Variants in CDH5 observed in about 807,000 individuals in gnomAD.
The protein encoded by CDH5 is cadherin 5.
CDH5 carries 28 observed loss-of-function variants against 62.0 expected under a neutral mutation model. The ratio of observed to expected loss-of-function variants is 0.45; its 90% CI spans 0.33 to 0.62. CDH5 has a LOEUF of 0.62. CDH5 is among the 20% of genes least tolerant of loss of function. The probability of loss-of-function intolerance (pLI) is 0.02; values close to 1 mark genes in which losing one functional copy is unlikely to be tolerated. For missense variants in CDH5, 940 were observed against 1,065.1 expected (o/e 0.88, Z 1.63); for synonymous variants, 464 against 445.8 (o/e 1.04, Z -0.52).
intron 10 of CDH5, among the ~76,000 whole-genome samples, 188 bp downstream of exon 10, chr16:66,398,749 C>T (rs1961233302): frequency 1.3e-5 from 2 of 152,164 alleles, no homozygotes; most frequent in Admixed American, 1.3e-4. Context: ...AGAACAAATG[C>T]AGTCAGTTGG....
intron 2 of CDH5, among the ~76,000 whole-genome samples, chr16:66,380,517 G>A (rs1203135151): frequency 1.3e-5 from 2 of 151,694 alleles, no homozygotes; most frequent in Admixed American, 6.6e-5. Flanking sequence ...TGATAAAGGG[G>A]TAGGTGGTGG....
chr16:66,374,190 G>C (rs1960743600), intron 1 of CDH5, among the ~76,000 whole-genome samples: 1 of 152,168 alleles, frequency 6.6e-6, no homozygotes. Flanking sequence ...TGTGCCTCGG[G>C]GGAGTGCTCA....
intron 2 of CDH5, 34 bp downstream of exon 2, chr16:66,379,581 C>A (rs773441175): frequency 4.4e-6 from 7 of 1,588,760 alleles, no homozygotes; most frequent in Non-Finnish European, 6.0e-6. Flanking sequence ...GAGAAGCCAT[C>A]AGCAGCTGGC....
intron 7 of CDH5, chr16:66,392,966 T>C (rs1252848187): frequency 6.5e-6 from 1 of 152,838 alleles, no homozygotes; most frequent in African/African-American, 2.4e-5. Flanking sequence ...GTTTGATTGT[T>C]TTAAAATTTT....
chr16:66,390,238 A>G (rs968574311), intron 5 of CDH5, among the ~76,000 whole-genome samples, 165 bp from the exon 6 acceptor site: 1 of 152,216 alleles, frequency 6.6e-6, no homozygotes, highest in African/African-American at 2.4e-5. Flanking sequence ...GGACATACAG[A>G]TAGGGAAGAC....
chr16:66,398,410 C>A (rs550766204), intron 9 of CDH5, 46 bp from the exon 10 acceptor site: 63 of 1,226,020 alleles, frequency 5.1e-5, no homozygotes, highest in Non-Finnish European at 7.4e-5. Flanking sequence ...GACCACCCCA[C>A]CACCCCACCA....
At chr16:66,399,125 G>C (rs546082978) in intron 10 of CDH5, among the ~76,000 whole-genome samples, 1 of 152,336 alleles carries the variant, frequency 6.6e-6, no homozygotes, top group East Asian at 1.9e-4. Context: ...AACTGGAAAT[G>C]TGAAATCCTA....
At chr16:66,401,896 G>A (rs987011503) in intron 11 of CDH5, among the ~76,000 whole-genome samples, 2 of 152,194 alleles carry the variant, frequency 1.3e-5, no homozygotes, top group Non-Finnish European at 2.9e-5. Context: ...GCAAGGCCTG[G>A]ATACAGCCAC....
At chr16:66,395,212 T>C (rs1251412205) in intron 7 of CDH5, among the ~76,000 whole-genome samples, 1 of 151,244 alleles carries the variant, frequency 6.6e-6, no homozygotes, top group African/African-American at 2.4e-5. Flanking sequence ...AACACCTAGA[T>C]GTATTCGTAT....
intron 1 of CDH5, among the ~76,000 whole-genome samples, chr16:66,376,802 C>T (rs183642861): frequency 3.3e-5 from 5 of 152,194 alleles, no homozygotes; most frequent in African/African-American, 9.7e-5. Context: ...CCAGCTGATA[C>T]GTTTCCTCAT....
In CDH5 at chr16:66,402,635, C is replaced by T. The variant is rs760687022; in HGVS notation, c.1838-17C>T. 1.3e-6 allele frequency: 2 copies of T among 1,551,572 alleles called. No homozygotes were observed. Among genetic ancestry groups the T allele is most frequent in the South Asian group, 1.3e-5 (1 of 79,820 alleles). ...CCCAGCCTTGTCTGACTCTGCTGCT[C>T]GGCTCCCTGGCTGCAGTGATCACCC... On this transcript the variant is annotated splice_polypyrimidine_tract_variant and intron_variant, in intron 11 of 11. Coordinates refer to ENST00000341529, the MANE Select transcript of CDH5 (RefSeq NM_001795.5).
intron 1 of CDH5, chr16:66,377,273 G>A (rs1305950945): frequency 6.6e-6 from 1 of 152,246 alleles, no homozygotes; most frequent in African/African-American, 2.4e-5. Flanking sequence ...ATCCCTTCAA[G>A]GGCCTCAAGT....
chr16:66,367,784 C>T (rs1350487021), intron 1 of CDH5, among the ~76,000 whole-genome samples: 3 of 152,194 alleles, frequency 2.0e-5, no homozygotes, highest in African/African-American at 4.8e-5. Context: ...AAAGCCCCAG[C>T]TCTCCCCAGG....
At chr16:66,397,726 AT>A (rs1044996813) in intron 8 of CDH5, among the ~76,000 whole-genome samples, 5 of 152,132 alleles carry the variant, frequency 3.3e-5, no homozygotes, top group African/African-American at 7.2e-5. Context: ...TTTAATTACA[AT>A]TTTTTTAATG....
intron 1 of CDH5, among the ~76,000 whole-genome samples, chr16:66,378,937 C>T (rs965974144): frequency 6.6e-6 from 1 of 152,104 alleles, no homozygotes. Context: ...CATATATGGG[C>T]GATCGGTCAG....
chr16:66,383,280 G>A lies in CDH5; in HGVS notation c.211-3529G>A, dbSNP rs145670981. Among the ~76,000 whole-genome samples, 25 of 152,180 alleles carry A rather than the reference G, an allele frequency of 1.6e-4. No homozygotes were observed. In the East Asian group the frequency reaches 3.9e-3, roughly 24 times the overall value. ...CCCTCTGGTAAATAATAATGCATCC[G>A]TATTGGTCCATTAATTATAACAAAT... On this transcript the variant is annotated intron_variant, in intron 2 of 11. Transcript: ENST00000341529.
chr16:66,403,340 A>T lies in CDH5; in HGVS notation c.*171A>T. 1.6e-6 allele frequency: 1 copy of T among 609,802 alleles called. No homozygotes were observed. The highest frequency in any genetic ancestry group is 2.9e-6 in the Non-Finnish European group (1 of 346,390). The allele number at this position is 609,802 out of a possible 1,614,324, so 37.8% of individuals were successfully genotyped here. On this transcript the variant is annotated 3_prime_UTR_variant, in exon 12 of 12. Coordinates refer to ENST00000341529, the MANE Select transcript of CDH5 (RefSeq NM_001795.5). This position sits in a 1 kb window ranked among gnomAD's most constrained non-coding sequence, Gnocchi z 4.3. ...GGGATAGCAAACTCCAGGTTCCTGA[A>T]ATATCCAGGAATATATGTCAGTGAT...
Position 66,398,021 on chromosome 16 carries a change from T to A in CDH5, c.1400T>A (p.Ile467Asn). Residue 467 changes from isoleucine (I) to asparagine (N), a missense_variant, in exon 9 of 12, where the codon ATT becomes AAT. Ile to Asn is a moderately radical substitution (Grantham distance 149). Transcript: ENST00000341529. ...TGKESIVQVHIEVLDENDNAP... is the reference protein window; with the variant it reads ...TGKESIVQVHNEVLDENDNAP... The stretch of plus-strand genomic sequence containing the variant: ...AAAGAATCCATTGTGCAAGTCCACA[T>A]TGAAGTTTTGGATGAGAATGACAAT... 6.2e-7 allele frequency: 1 copy of A among 1,614,090 alleles called. No individual in the cohort carries two copies. Among genetic ancestry groups the A allele is most frequent in the Non-Finnish European group, 8.5e-7 (1 of 1,179,962 alleles).
intron 5 of CDH5, 60 bp from the exon 6 acceptor site, chr16:66,390,343 G>T: frequency 7.8e-7 from 1 of 1,287,848 alleles, no homozygotes; most frequent in Non-Finnish European, 1.1e-6. Context: ...AGCTGAAAGA[G>T]GCAATCGCCT....
Sources: allele counts gnomAD v4.1 joint callset (sites outside exome capture counted in the v4.1 genomes callset), GRCh38; gene constraint gnomAD v4.1.1; non-coding constraint Gnocchi (gnomAD v3.1); transcripts MANE v1.5; gene names NCBI Gene and HGNC (gene_info 2026-07-23, HGNC 2026-07-21).